The following RIOK2 variants were observed in gnomAD, a reference collection of about 807,000 sequenced individuals.
RIOK2 encodes the protein serine/threonine-protein kinase RIO2.
Under a neutral mutation model 62.4 loss-of-function variants are expected in RIOK2, and 46 were observed. The observed-to-expected ratio is 0.74, with a 90% CI of 0.58 to 0.94. The LOEUF (loss-of-function observed/expected upper bound fraction) is 0.94. Among genes scored for constraint, RIOK2 ranks in the 40% least tolerant of loss-of-function variants. The pLI is 0.00. For synonymous variants in RIOK2, 197 were observed against 216.0 expected (o/e 0.91, Z 0.77); for missense variants, 574 against 658.0 (o/e 0.87, Z 1.40).
At chr5:97,166,774 G>A (rs1302033660) in intron 8 of RIOK2, 2 of 986,738 alleles carry the variant, frequency 2.0e-6, no homozygotes, top group African/African-American at 3.5e-5. Flanking sequence ...TTTATTGCAT[G>A]TTTTAATATT....
chr5:97,171,391 C>A lies in RIOK2; in HGVS notation c.594G>T (p.Gln198His). Residue 198 changes from glutamine to histidine, a missense_variant, in exon 6 of 10, where the codon CAG (glutamine) becomes CAT (histidine). Gln to His is a conservative substitution (Grantham distance 24). Transcript: ENST00000283109. ...MELINGYPLC[Q>H]IHHVEDPASV... ...ATGCAGGATCTTCAACATGGTGTAT[C>A]TGACATCTGAAAGTATTTTAAGCAT... is the stretch of plus-strand genomic sequence containing the variant. 1 of 1,523,128 alleles carries A rather than the reference C, an allele frequency of 6.6e-7. No individual in the cohort carries two copies. Among genetic ancestry groups the A allele is most frequent in the Non-Finnish European group, 8.8e-7 (1 of 1,134,106 alleles). 94.4% of individuals were successfully genotyped at this position (1,523,128 alleles called of 1,614,324 possible). A position where few individuals can be genotyped will look rare whatever the true frequency, so the allele number is the denominator to read the frequency against.
intron 7 of RIOK2, 122 bp from the exon 8 acceptor site, chr5:97,168,113 A>C: frequency 5.0e-6 from 5 of 1,002,330 alleles, no homozygotes; most frequent in Non-Finnish European, 6.8e-6. Flanking sequence ...GTTAAAAATA[A>C]ATTTTCCTTC....
At chr5:97,178,754 C>T (rs1749251313) in intron 2 of RIOK2, 2 of 322,020 alleles carry the variant, frequency 6.2e-6, no homozygotes, top group African/African-American at 4.8e-5. Context: ...CTGCAGTACT[C>T]TACATGCTCT....
intron 6 of RIOK2, 32 bp downstream of exon 6, chr5:97,171,174 A>C: frequency 1.5e-6 from 2 of 1,328,076 alleles, no homozygotes. Flanking sequence ...AAAATAAAAT[A>C]AAATAAAAAT....
chr5:97,180,154 A>ATATATG (rs1749363290), intron 1 of RIOK2, among the ~76,000 whole-genome samples: 1 of 131,770 alleles, frequency 7.6e-6, no homozygotes, highest in African/African-American at 2.8e-5. Context: ...ATATATATAT[A>ATATATG]TATATATGTG....
chr5:97,183,107 G>A lies in RIOK2; in HGVS notation c.66+19C>T. The A allele has an allele frequency of 1.2e-6, 2 of 1,613,862 alleles. No individual in the cohort carries two copies. The highest frequency in any genetic ancestry group is 1.7e-6 in the Non-Finnish European group (2 of 1,179,754). ...ACAGTGTTAAGGGGAAGGGAGAACA[G>A]GAACGGCGGGTTTCTTACCGCGGTC... On this transcript the variant is annotated intron_variant, in intron 1 of 9. Transcript: ENST00000283109.
rs570874713 is a variant in RIOK2 at position 97,181,509 on chromosome 5, A to G, written c.66+1617T>C. On this transcript the variant is annotated intron_variant, in intron 1 of 9. Coordinates refer to ENST00000283109, the MANE Select transcript of RIOK2 (RefSeq NM_018343.3). ...AGCTAGTCAAACAATGATTATTGAT[A>G]TAGGAGGAGCCAAAGAAGTAAAAGG... Among the ~76,000 whole-genome samples the G allele has an allele frequency of 2.0e-5, 3 of 152,280 alleles. No homozygotes were observed. In the East Asian group the frequency reaches 5.8e-4, roughly 29 times the overall value.
intron 9 of RIOK2, among the ~76,000 whole-genome samples, chr5:97,163,916 A>T (rs144522478): frequency 6.3e-4 from 95 of 151,762 alleles, no homozygotes; most frequent in Middle Eastern, 3.4e-3. Context: ...TTTTTGAGAC[A>T]GGGTCTTGCT....
chr5:97,162,982 A>G lies in RIOK2; in HGVS notation c.*79T>C. Reference sequence around the variant, plus strand: ...ATTAATATATGATAGCCTTGGCTCAAAAAAGACAAATGAGGGCTCAAAAAG... The same window carrying G: ...ATTAATATATGATAGCCTTGGCTCAGAAAAGACAAATGAGGGCTCAAAAAG... On this transcript the variant is annotated 3_prime_UTR_variant, in exon 10 of 10. Transcript: ENST00000283109. The G allele has an allele frequency of 7.9e-7, 1 of 1,273,460 alleles. No individual in the cohort carries two copies. Among genetic ancestry groups the G allele is most frequent in the Non-Finnish European group, 1.1e-6 (1 of 931,444 alleles). 78.9% of individuals were successfully genotyped at this position (1,273,460 alleles called of 1,614,324 possible). A position where few individuals can be genotyped will look rare whatever the true frequency, so the allele number is the denominator to read the frequency against.
rs201129331 is a variant in RIOK2 at position 97,163,122 on chromosome 5, C to T, written c.1598G>A (p.Arg533His). Residue 533 changes from arginine to histidine, a missense_variant, in exon 10 of 10, where the codon CGT (arginine) becomes CAT (histidine). Physicochemically the swap from Arg to His is conservative, Grantham distance 29. Coordinates refer to ENST00000283109, the MANE Select transcript of RIOK2 (RefSeq NM_018343.3). ...TTTGATATTTTGCATGTTTTCCCTA[C>T]GTTGCTTGGTAAATATATTTGCTTC... ...KGEANIFTKQ[R>H]RENMQNIKSS... The T allele has an allele frequency of 3.8e-5, 62 of 1,613,510 alleles. 1 individual carries two copies. The African/African-American group carries it at 3.9e-4, about 10-fold the overall frequency.
intron 3 of RIOK2, 138 bp downstream of exon 3, chr5:97,177,594 G>A (rs981531698): frequency 6.3e-6 from 4 of 632,544 alleles, no homozygotes; most frequent in Non-Finnish European, 1.1e-5. Context: ...GACACCTTCT[G>A]ATTTGTACTG....
chr5:97,173,129 A>G, intron 5 of RIOK2, 46 bp downstream of exon 5: 1 of 1,366,008 alleles, frequency 7.3e-7, no homozygotes, highest in Non-Finnish European at 1.0e-6. Context: ...CTGAAACTTA[A>G]ATTCATTTAT....
At chr5:97,182,256 G>A (rs905359568) in intron 1 of RIOK2, among the ~76,000 whole-genome samples, 2 of 152,228 alleles carry the variant, frequency 1.3e-5, no homozygotes, top group African/African-American at 4.8e-5. Flanking sequence ...AACCTCCAAG[G>A]CTCTGTAGTA....
chr5:97,180,246 G>A (rs1389703915), intron 1 of RIOK2, among the ~76,000 whole-genome samples: 3 of 148,256 alleles, frequency 2.0e-5, no homozygotes, highest in Non-Finnish European at 4.4e-5. Flanking sequence ...AAGTTAAGAA[G>A]TGATAAGTGC....
rs201428059 is a variant in RIOK2 at position 97,167,967 on chromosome 5, C to T, written c.897G>A (p.Glu299=). 3.0e-5 allele frequency: 48 copies of T among 1,602,774 alleles called. No homozygotes were observed. The African/African-American group carries it at 6.3e-4, about 21-fold the overall frequency. Residue 299 remains glutamate (E), a synonymous_variant, in exon 8 of 10, where the codon GAG becomes GAA. Transcript: ENST00000283109. Reference sequence around the variant, plus strand: ...CCTTTGTGTAGCCACTGGCAGAAACCTCCACATCAAGAGTGTCTTCTCTCC... The same window carrying T: ...CCTTTGTGTAGCCACTGGCAGAAACTTCCACATCAAGAGTGTCTTCTCTCC... ...DIRREDTLDV[E]VSASGYTKEM... is the part of the protein sequence containing the mutation.
chr5:97,177,775 T>C lies in RIOK2; in HGVS notation c.279A>G (p.Val93=), dbSNP rs1396773980. The C allele has an allele frequency of 2.5e-6, 4 of 1,613,472 alleles. No homozygotes were observed. The Admixed American group carries it at 5.0e-5, about 20-fold the overall frequency. Residue 93 remains valine (V), a synonymous_variant, in exon 3 of 10, where the codon GTA becomes GTG. Coordinates refer to ENST00000283109, the MANE Select transcript of RIOK2 (RefSeq NM_018343.3). ...CCATCTGGTTTCCAACAGACTCAACTACTTGCCTAGAAGAAAGTGTTTTCA... is the reference window on the plus strand; with the variant it reads ...CCATCTGGTTTCCAACAGACTCAACCACTTGCCTAGAAGAAAGTGTTTTCA... The part of the protein sequence containing the change: ...LALKTLSSRQ[V]VESVGNQMGV...
At chr5:97,173,395 G>T in intron 4 of RIOK2, 132 bp from the exon 5 acceptor site, 1 of 663,092 alleles carries the variant, frequency 1.5e-6, no homozygotes, top group South Asian at 1.8e-5. Flanking sequence ...TTAACACATG[G>T]TTATTTATGC....
At chr5:97,178,483 A>T (rs113348596) in intron 2 of RIOK2, among the ~76,000 whole-genome samples, 17 of 147,678 alleles carry the variant, frequency 1.2e-4, no homozygotes, top group Non-Finnish European at 2.4e-4. Flanking sequence ...CAGTACCTAC[A>T]TGCTCTTCTG....
intron 2 of RIOK2, among the ~76,000 whole-genome samples, chr5:97,178,154 T>C (rs547060768): frequency 1.2e-3 from 181 of 151,930 alleles, no homozygotes; most frequent in African/African-American, 4.1e-3. Flanking sequence ...TGTTATCCAT[T>C]TCATTTTTCT....
Sources: allele counts gnomAD v4.1 joint callset (sites outside exome capture counted in the v4.1 genomes callset), GRCh38; gene constraint gnomAD v4.1.1; transcripts MANE v1.5; gene names NCBI Gene and HGNC (gene_info 2026-07-23, HGNC 2026-07-21).